Variants in CRYBG3 observed in about 807,000 individuals in gnomAD.
CRYBG3 encodes very large A-kinase anchor protein.
Under a neutral mutation model 244.2 loss-of-function variants are expected in CRYBG3, and 127 were observed. The ratio of observed to expected loss-of-function variants is 0.52; its 90% CI spans 0.45 to 0.60. CRYBG3 has a LOEUF of 0.60. CRYBG3 is among the 20% of genes least tolerant of loss of function. The pLI is 0.00. For synonymous variants in CRYBG3, 1,132 were observed against 1,195.8 expected, an observed-to-expected ratio of 0.95 and a Z score of 1.10; for missense variants, 3,325 against 3,442.5, an observed-to-expected ratio of 0.97 and a Z score of 0.85.
Position 97,944,872 on chromosome 3 carries a change from G to T in CRYBG3, c.*1558G>T. On this transcript the variant is annotated 3_prime_UTR_variant, in exon 22 of 22. Transcript: ENST00000389622. ...CTTTAAAGAAGTTGTTTCTTCCAAA[G>T]AACAAAGCCAGGTTAATGACATTCA... The T allele has an allele frequency of 5.4e-6, 1 of 185,754 alleles. No individual in the cohort carries two copies. The highest frequency in any genetic ancestry group is 1.3e-4 in the East Asian group (1 of 7,568). 11.5% of individuals were successfully genotyped at this position (185,754 alleles called of 1,614,324 possible).
chr3:97,903,112 A>G (rs560713602), intron 15 of CRYBG3, among the ~76,000 whole-genome samples: 11 of 152,308 alleles, frequency 7.2e-5, no homozygotes, highest in African/African-American at 2.6e-4. Flanking sequence ...TTAAACATTG[A>G]GCCCCTGTTC....
intron 3 of CRYBG3, among the ~76,000 whole-genome samples, chr3:97,868,412 G>GTGTA (rs2039262162): frequency 6.6e-6 from 1 of 152,106 alleles, no homozygotes; most frequent in Non-Finnish European, 1.5e-5. Context: ...GGCAGAGGGA[G>GTGTA]TGTAGCTCAT....
Position 97,872,932 on chromosome 3 carries a change from C to T in CRYBG3, c.1738C>T (p.His580Tyr). Residue 580 changes from histidine (H) to tyrosine (Y), a missense_variant, in exon 4 of 22, where the codon CAT (histidine) becomes TAT (tyrosine). Transcript: ENST00000389622. Reference sequence around the variant, plus strand: ...TTTTAGGTCACATGATAAAATTCCTCATATTAGAATGAATAAAAAAGACCT... The same window carrying T: ...TTTTAGGTCACATGATAAAATTCCTTATATTAGAATGAATAAAAAAGACCT... Reference protein sequence around the residue: ...LDFRSHDKIPHIRMNKKDLAS... With the variant: ...LDFRSHDKIPYIRMNKKDLAS... 2 of 1,530,462 alleles carry T rather than the reference C, an allele frequency of 1.3e-6. No individual in the cohort carries two copies. The highest frequency in any genetic ancestry group is 1.7e-6 in the Non-Finnish European group (2 of 1,145,534). The allele number at this position is 1,530,462 out of a possible 1,614,324, so 94.8% of individuals were successfully genotyped here.
intron 1 of CRYBG3, among the ~76,000 whole-genome samples, chr3:97,839,996 T>C (rs1190705885): frequency 6.6e-6 from 1 of 152,036 alleles, no homozygotes; most frequent in African/African-American, 2.4e-5. Flanking sequence ...TATATTCTCG[T>C]TGGGAAGATG....
chr3:97,926,720 T>C (rs1439378605), intron 17 of CRYBG3, among the ~76,000 whole-genome samples: 2 of 152,018 alleles, frequency 1.3e-5, no homozygotes, highest in Non-Finnish European at 2.9e-5. Flanking sequence ...ACTTCAGTAA[T>C]ATTTCAGGAT....
At chr3:97,941,031 G>T in intron 19 of CRYBG3, 117 bp from the exon 20 acceptor site, 1 of 771,598 alleles carries the variant, frequency 1.3e-6, no homozygotes, top group Non-Finnish European at 2.1e-6. Context: ...GAATAAGAGT[G>T]AAACTGATAT....
chr3:97,843,299 A>G (rs1291312783), intron 2 of CRYBG3, 38 bp downstream of exon 2: 4 of 917,010 alleles, frequency 4.4e-6, no homozygotes, highest in Admixed American at 5.2e-5. Flanking sequence ...TATCAAGCAA[A>G]TATCTTAAAT....
At chr3:97,824,750 G>T (rs2038556593) in intron 1 of CRYBG3, among the ~76,000 whole-genome samples, 1 of 152,110 alleles carries the variant, frequency 6.6e-6, no homozygotes, top group African/African-American at 2.4e-5. Context: ...TTAGGTGGTT[G>T]ACCATTTCCA....
At chr3:97,862,827 C>T (rs1461903236) in intron 2 of CRYBG3, among the ~76,000 whole-genome samples, 1 of 152,138 alleles carries the variant, frequency 6.6e-6, no homozygotes, top group African/African-American at 2.4e-5. Flanking sequence ...TGTATTAAAT[C>T]CTAACACATC....
rs2038956068 is a variant in CRYBG3 at position 97,849,662 on chromosome 3, A to G, written c.216+6401A>G. On this transcript the variant is annotated intron_variant, in intron 2 of 21. Transcript: ENST00000389622. ...TATGGTATACCTGGAATGTTCCTAC[A>G]TTGCGGTATGATGGAATATCTTATC... Among the ~76,000 whole-genome samples, 3 of 152,204 alleles carry G rather than the reference A, an allele frequency of 2.0e-5. No homozygotes were observed. In the South Asian group the frequency reaches 6.2e-4, roughly 31 times the overall value.
In CRYBG3 at chr3:97,872,938, A is replaced by G. The variant is rs1297625461; in HGVS notation, c.1744A>G (p.Arg582Gly). 2 of 1,530,910 alleles carry G rather than the reference A, an allele frequency of 1.3e-6. No homozygotes were observed. Among genetic ancestry groups the G allele is most frequent in the Admixed American group, 2.0e-5 (1 of 49,776 alleles). 94.8% of individuals were successfully genotyped at this position (1,530,910 alleles called of 1,614,324 possible). A position where few individuals can be genotyped will look rare whatever the true frequency, so the allele number is the denominator to read the frequency against. Reference sequence around the variant, plus strand: ...GTCACATGATAAAATTCCTCATATTAGAATGAATAAAAAAGACCTGGCCTC... The same window carrying G: ...GTCACATGATAAAATTCCTCATATTGGAATGAATAAAAAAGACCTGGCCTC... Reference protein sequence around the residue: ...FRSHDKIPHIRMNKKDLASLN... With the variant: ...FRSHDKIPHIGMNKKDLASLN... The change falls in exon 4 of 22, where the codon AGA (arginine) becomes GGA (glycine). Residue 582 changes from arginine (R) to glycine (G), a missense_variant. Physicochemically the swap from Arg to Gly is moderately radical, Grantham distance 125 (BLOSUM62 -2). This residue lies in a region of CRYBG3 where 1,526 missense variants were observed against 1,443.2 expected (regional missense o/e 1.06). Transcript: ENST00000389622.
chr3:97,873,232 C>T lies in CRYBG3; in HGVS notation c.2038C>T (p.Pro680Ser). ...TCCTGATTTAATGAATGAGGGTTCT[C>T]CTGTGCCCATTGAAACTGGGAATGT... Reference protein sequence around the residue: ...DIPDLMNEGSPVPIETGNVNI... With the variant: ...DIPDLMNEGSSVPIETGNVNI... The change falls in exon 4 of 22, where the codon CCT becomes TCT. Residue 680 changes from proline to serine, a missense_variant. Physicochemically the swap from Pro to Ser is moderately conservative, Grantham distance 74. Coordinates refer to ENST00000389622, the MANE Select transcript of CRYBG3 (RefSeq NM_153605.4). 3 of 1,535,594 alleles carry T rather than the reference C, an allele frequency of 2.0e-6. No individual in the cohort carries two copies. The highest frequency in any genetic ancestry group is 2.6e-6 in the Non-Finnish European group (3 of 1,146,714).
rs75969722 is a variant in CRYBG3 at position 97,835,918 on chromosome 3, A to G, written c.150-7277A>G. Among the ~76,000 whole-genome samples the G allele has an allele frequency of 8.2e-3, 1,253 of 152,270 alleles. 17 individuals carry two copies. The highest frequency in any genetic ancestry group is 0.029 in the African/African-American group (1,187 of 41,554). On this transcript the variant is annotated intron_variant, in intron 1 of 21. Transcript: ENST00000389622. Reference sequence around the variant, plus strand: ...TGAATCTTGTGGGGGTGAGTCAAACATTCAGAATCTGAAGGTTATGAGGTG... The same window carrying G: ...TGAATCTTGTGGGGGTGAGTCAAACGTTCAGAATCTGAAGGTTATGAGGTG...
At chr3:97,856,105 C>G (rs545056688) in intron 2 of CRYBG3, among the ~76,000 whole-genome samples, 3 of 152,118 alleles carry the variant, frequency 2.0e-5, no homozygotes, top group East Asian at 3.9e-4. Flanking sequence ...CCTAAGGGGG[C>G]CATTTATAGG....
chr3:97,832,227 CAA>C (rs34688264), intron 1 of CRYBG3, among the ~76,000 whole-genome samples: 28 of 81,762 alleles, frequency 3.4e-4, no homozygotes, highest in Admixed American at 6.8e-4. Context: ...CATGTGGAAC[CAA>C]AAAAAAAAAA....
chr3:97,844,790 G>A (rs757721836), intron 2 of CRYBG3, among the ~76,000 whole-genome samples: 38 of 152,220 alleles, frequency 2.5e-4, no homozygotes, highest in Non-Finnish European at 3.2e-4. Context: ...GGGCCTCTAT[G>A]CTAACAATCT....
At chr3:97,841,609 C>G (rs1453827780) in intron 1 of CRYBG3, among the ~76,000 whole-genome samples, 1 of 152,062 alleles carries the variant, frequency 6.6e-6, no homozygotes, top group Non-Finnish European at 1.5e-5. Flanking sequence ...TCCATCTGAT[C>G]CGCTTTGGGA....
chr3:97,892,249 C>T (rs764990371), intron 10 of CRYBG3, among the ~76,000 whole-genome samples: 3 of 152,018 alleles, frequency 2.0e-5, no homozygotes, highest in Non-Finnish European at 1.5e-5. Flanking sequence ...ATTTTTGAGT[C>T]GAAATTGTGC....
At chr3:97,853,455 C>T (rs960482879) in intron 2 of CRYBG3, among the ~76,000 whole-genome samples, 3 of 151,168 alleles carry the variant, frequency 2.0e-5, no homozygotes, top group Non-Finnish European at 4.4e-5. Flanking sequence ...TTTATCCACT[C>T]GGTTGATGGG....
Sources: allele counts gnomAD v4.1 joint callset (sites outside exome capture counted in the v4.1 genomes callset), GRCh38; gene constraint gnomAD v4.1.1; regional missense constraint gnomAD v4.1.1; transcripts MANE v1.5; gene names NCBI Gene and HGNC (gene_info 2026-07-23, HGNC 2026-07-21).